The following CACNA1C variants were observed in gnomAD, a reference collection of about 807,000 sequenced individuals.
CACNA1C encodes the protein calcium voltage-gated channel subunit alpha1 C, also known as voltage-dependent L-type calcium channel subunit alpha-1C.
A neutral mutation model predicts 229.0 loss-of-function variants in CACNA1C; 30 were observed. That is an observed-to-expected ratio of 0.13 (90% CI 0.10 to 0.18). CACNA1C has a LOEUF of 0.18. Among genes scored for constraint, CACNA1C ranks in the 10% least tolerant of loss-of-function variants. The pLI, the probability that CACNA1C is intolerant of heterozygous loss-of-function variation, is 1.00. For missense variants in CACNA1C, 1,658 were observed against 2,845.0 expected (o/e 0.58, Z 9.49); for synonymous variants, 1,114 against 1,132.5 (o/e 0.98, Z 0.33).
At chr12:2,373,748 C>G (rs776918141) in intron 3 of CACNA1C, among the ~76,000 whole-genome samples, 30 of 152,226 alleles carry the variant, frequency 2.0e-4, no homozygotes, top group Non-Finnish European at 3.7e-4. Flanking sequence ...CTCTTCAAGC[C>G]CATTTTCCTT....
chr12:2,578,059 G>C (rs924745168), intron 13 of CACNA1C, among the ~76,000 whole-genome samples: 1 of 151,652 alleles, frequency 6.6e-6, no homozygotes, highest in South Asian at 2.1e-4. Context: ...TAGTAGAGAC[G>C]GGGTTTCACC....
At chr12:2,097,298 A>C (rs376875724) in intron 1 of CACNA1C, among the ~76,000 whole-genome samples, 10 of 152,104 alleles carry the variant, frequency 6.6e-5, no homozygotes, top group African/African-American at 9.6e-5. Flanking sequence ...GGCGCCTGCC[A>C]CCACGCCCAG....
At chr12:2,398,981 G>A (rs576697593) in intron 3 of CACNA1C, among the ~76,000 whole-genome samples, 41 of 152,286 alleles carry the variant, frequency 2.7e-4, no homozygotes, top group Admixed American at 1.2e-3. Context: ...AGGAACATGG[G>A]GCTTTGGGTA....
At chr12:2,526,034 G>T (rs896169560) in intron 9 of CACNA1C, among the ~76,000 whole-genome samples, 1 of 152,218 alleles carries the variant, frequency 6.6e-6, no homozygotes, top group Non-Finnish European at 1.5e-5. Context: ...AATTGGCAGC[G>T]TTAGGCTGGG....
rs1198463556 is a variant in CACNA1C at position 2,677,398 on chromosome 12, CCCTA to C, written c.4956+181_4956+184del. The C allele has an allele frequency of 4.4e-5, 30 of 688,058 alleles. No individual in the cohort carries two copies. In the East Asian group the frequency reaches 7.1e-4, roughly 16 times the overall value. The allele number at this position is 688,058 out of a possible 1,614,324, so 42.6% of individuals were successfully genotyped here. ...TGTGAGAAGGGGGTGATGTGCCCTT[CCCTA>C]CCTGCCACCCACCGACTGCCCTCCA... On this transcript the variant is annotated intron_variant, in intron 40 of 46. Coordinates refer to ENST00000399655, the MANE Select transcript of CACNA1C (RefSeq NM_000719.7). This position sits in a 1 kb window ranked among gnomAD's most constrained non-coding sequence, Gnocchi z 7.4.
intron 3 of CACNA1C, among the ~76,000 whole-genome samples, chr12:2,399,035 T>TC (rs1282837560): frequency 2.6e-5 from 4 of 151,630 alleles, no homozygotes; most frequent in African/African-American, 4.8e-5. Flanking sequence ...CCTTAACACC[T>TC]CCCCCCGGGG....
At chr12:2,062,175 TA>T (rs1345844833) in intron 1 of CACNA1C, among the ~76,000 whole-genome samples, 1 of 152,232 alleles carries the variant, frequency 6.6e-6, no homozygotes, top group East Asian at 1.9e-4. Context: ...TGTATTGAGG[TA>T]TAACATCTAC....
intron 1 of CACNA1C, among the ~76,000 whole-genome samples, chr12:2,114,317 TG>T (rs1253819807): frequency 1.3e-5 from 2 of 152,122 alleles, no homozygotes; most frequent in Non-Finnish European, 2.9e-5. Context: ...AAGGCTGCCT[TG>T]TGTGGGGGCT....
chr12:2,350,137 CTTCT>C (rs1452768819), intron 3 of CACNA1C, among the ~76,000 whole-genome samples: 3 of 152,270 alleles, frequency 2.0e-5, no homozygotes, highest in African/African-American at 7.2e-5. Flanking sequence ...TAAGGAATTC[CTTCT>C]TGCTGTTCGT....
rs1205296870 is a variant in CACNA1C, at chr12:2,597,440, C to T, written c.2853+151C>T. ...TCCAATTATGCTTATTTTTCAGATC[C>T]TAGGCAATGCAGACTATGTCTTCAC... is the stretch of plus-strand genomic sequence containing the variant. On this transcript the variant is annotated intron_variant, in intron 21 of 46. Coordinates refer to ENST00000399655, the MANE Select transcript of CACNA1C (RefSeq NM_000719.7). The surrounding 1 kb of genome is among the most constrained non-coding windows in gnomAD (Gnocchi z 4.3). 5 of 1,608,762 alleles carry T rather than the reference C, an allele frequency of 3.1e-6. No individual in the cohort carries two copies. Among genetic ancestry groups the T allele is most frequent in the African/African-American group, 1.3e-5 (1 of 74,772 alleles).
At chr12:2,579,548 C>T (rs938953744) in intron 13 of CACNA1C, among the ~76,000 whole-genome samples, 1 of 150,752 alleles carries the variant, frequency 6.6e-6, no homozygotes, top group Non-Finnish European at 1.5e-5. Flanking sequence ...TGCTAACACA[C>T]CCCTACTGGT....
intron 3 of CACNA1C, among the ~76,000 whole-genome samples, chr12:2,424,817 A>G (rs1270668406): frequency 6.6e-6 from 1 of 152,210 alleles, no homozygotes; most frequent in Non-Finnish European, 1.5e-5. Context: ...GGCAGAGGCC[A>G]TGGGCATGGG....
chr12:2,080,184 C>T (rs1013323209), intron 1 of CACNA1C, among the ~76,000 whole-genome samples: 1 of 152,086 alleles, frequency 6.6e-6, no homozygotes, highest in Non-Finnish European at 1.5e-5. Context: ...ATGTTTTGAA[C>T]CCAGGAGGCA....
In CACNA1C at chr12:2,211,725, T is replaced by TC. The variant is rs1007228231; in HGVS notation, c.477+91295_477+91296insC. ...TACTCTTTCTGCTGCTTTTTTTTTT[T>TC]TTTTTTTTTTGAGACAGAGTCTTGC... On this transcript the variant is annotated intron_variant, in intron 3 of 46. Coordinates refer to ENST00000399655, the MANE Select transcript of CACNA1C (RefSeq NM_000719.7). Among the ~76,000 whole-genome samples the TC allele has an allele frequency of 2.7e-4, 40 of 150,158 alleles. No homozygotes were observed. In the East Asian group the frequency reaches 7.6e-3, roughly 29 times the overall value.
At chr12:2,156,312 T>G (rs2095552396) in intron 3 of CACNA1C, among the ~76,000 whole-genome samples, 1 of 152,124 alleles carries the variant, frequency 6.6e-6, no homozygotes, top group South Asian at 2.1e-4. Context: ...TAGAATAAAG[T>G]GACATGGAAA....
chr12:2,256,297 G>T (rs1434444742), intron 3 of CACNA1C, among the ~76,000 whole-genome samples: 2 of 152,130 alleles, frequency 1.3e-5, no homozygotes, highest in Non-Finnish European at 2.9e-5. Flanking sequence ...CAATGCATGG[G>T]GTAATCAGTC....
At chr12:2,472,909 C>G (rs2099600859) in intron 5 of CACNA1C, among the ~76,000 whole-genome samples, 1 of 152,136 alleles carries the variant, frequency 6.6e-6, no homozygotes, top group Non-Finnish European at 1.5e-5. Flanking sequence ...CATTGAAAGC[C>G]CAAACCCCTC....
chr12:2,366,901 T>A (rs2097735647), intron 3 of CACNA1C, among the ~76,000 whole-genome samples: 1 of 152,094 alleles, frequency 6.6e-6, no homozygotes, highest in Non-Finnish European at 1.5e-5. Context: ...AGAGAGCGCA[T>A]GCACAAAGGG....
chr12:2,512,993 C>G lies in CACNA1C; in HGVS notation c.1390+9C>G. 1 of 1,588,032 alleles carries G rather than the reference C, an allele frequency of 6.3e-7. No individual in the cohort carries two copies. Among genetic ancestry groups the G allele is most frequent in the Non-Finnish European group, 8.6e-7 (1 of 1,166,478 alleles). On this transcript the variant is annotated intron_variant, in intron 9 of 46. Coordinates refer to ENST00000399655, the MANE Select transcript of CACNA1C (RefSeq NM_000719.7). This position sits in a 1 kb window ranked among gnomAD's most constrained non-coding sequence, Gnocchi z 4.3. ...GGAGAAGCCCCGAAACAGTGAGCAGCCGTCTTCTTCTGTGTTTGGGCTGGG... is the reference window on the plus strand; with the variant it reads ...GGAGAAGCCCCGAAACAGTGAGCAGGCGTCTTCTTCTGTGTTTGGGCTGGG...
Sources: allele counts gnomAD v4.1 joint callset (sites outside exome capture counted in the v4.1 genomes callset), GRCh38; gene constraint gnomAD v4.1.1; non-coding constraint Gnocchi (gnomAD v3.1); transcripts MANE v1.5; gene names NCBI Gene and HGNC (gene_info 2026-07-23, HGNC 2026-07-21).